DNAH6: variants seen among roughly 807,000 people sequenced by gnomAD.
DNAH6 encodes axonemal beta dynein heavy chain 6.
Under a neutral mutation model 491.4 loss-of-function variants are expected in DNAH6, and 340 were observed. The ratio of observed to expected loss-of-function variants is 0.69; its 90% confidence interval spans 0.63 to 0.76. The LOEUF (loss-of-function observed/expected upper bound fraction) is 0.76. Among genes scored for constraint, DNAH6 ranks in the 30% least tolerant of loss-of-function variants. The pLI, the probability that DNAH6 is intolerant of heterozygous loss-of-function variation, is 0.00. For missense variants in DNAH6, 4,443 were observed against 4,972.2 expected (o/e 0.89, Z 3.20); for synonymous variants, 1,603 against 1,686.1 (o/e 0.95, Z 1.21).
chr2:84,498,696 T>C, the DNAH6 span, among the ~76,000 whole-genome samples: 1 of 152,072 alleles, frequency 6.6e-6, no homozygotes, highest in South Asian at 2.1e-4. Flanking sequence ...TCTCAGCACC[T>C]GCCCTGCTAT....
chr2:84,517,870 T>C lies in DNAH6; in HGVS notation c.44T>C (p.Ile15Thr), dbSNP rs1043105859. ...GATAGTGAATTTGACCTGACAAATA[T>C]TGAAGAGTATGCCGAAAATTCTGCA... ...ATDSEFDLTN[I>T]EEYAENSALS... Residue 15 changes from isoleucine (I) to threonine (T), a missense_variant, in exon 2 of 77, where the codon ATT becomes ACT. This residue lies in a region of DNAH6 where 2,977 missense variants were observed against 3,296.6 expected (regional missense o/e 0.90). Coordinates refer to ENST00000389394, the MANE Select transcript of DNAH6 (RefSeq NM_001370.2). 2 of 1,551,664 alleles carry C rather than the reference T, an allele frequency of 1.3e-6. No individual in the cohort carries two copies. The highest frequency in any genetic ancestry group is 8.7e-7 in the Non-Finnish European group (1 of 1,147,016).
chr2:84,703,424 C>CA lies in DNAH6; in HGVS notation c.8093dup (p.Leu2699AlafsTer10), dbSNP rs1364794254. 1 of 1,542,092 alleles carries CA rather than the reference C, an allele frequency of 6.5e-7. No individual in the cohort carries two copies. The highest frequency in any genetic ancestry group is 8.8e-7 in the Non-Finnish European group (1 of 1,142,062). Reference sequence around the variant, plus strand: ...GAGATCGGGTGAAGAATGGTCTCACCAAGCTACTAGAAACAAACATACTAG... The same window carrying CA: ...GAGATCGGGTGAAGAATGGTCTCACCAAAGCTACTAGAAACAAACATACTAG... On this transcript the variant is annotated frameshift_variant, in exon 50 of 77. Coordinates refer to ENST00000389394, the MANE Select transcript of DNAH6 (RefSeq NM_001370.2). LOFTEE classifies it high-confidence loss of function.
chr2:84,773,399 T>C (rs1246867445), intron 64 of DNAH6, among the ~76,000 whole-genome samples: 1 of 152,094 alleles, frequency 6.6e-6, no homozygotes. Flanking sequence ...CTGATTATAT[T>C]CCTTTATGTG....
chr2:84,704,163 G>A lies in DNAH6; in HGVS notation c.8326G>A (p.Ala2776Thr). The A allele has an allele frequency of 1.3e-6, 2 of 1,551,834 alleles. No homozygotes were observed. The highest frequency in any genetic ancestry group is 1.7e-6 in the Non-Finnish European group (2 of 1,147,012). Reference sequence around the variant, plus strand: ...TGATGCTCAAAGAGATCTTGACGAGGCACTACCTGCACTAGATGCTGCCAA... The same window carrying A: ...TGATGCTCAAAGAGATCTTGACGAGACACTACCTGCACTAGATGCTGCCAA... The part of the protein sequence containing the change: ...ADDAQRDLDE[A>T]LPALDAANKA... The change falls in exon 51 of 77, where the codon GCA (alanine) becomes ACA (threonine). Residue 2776 changes from alanine (A) to threonine (T), a missense_variant. By Grantham distance (58) the Ala-to-Thr change is moderately conservative (BLOSUM62 0). Coordinates refer to ENST00000389394, the MANE Select transcript of DNAH6 (RefSeq NM_001370.2).
intron 60 of DNAH6, 26 bp downstream of exon 60, chr2:84,722,830 C>A (rs1313706666): frequency 2.9e-5 from 39 of 1,356,858 alleles, no homozygotes; most frequent in Non-Finnish European, 3.6e-5. Flanking sequence ...TTGTTAATGA[C>A]AGTCATCTCT....
intron 45 of DNAH6, among the ~76,000 whole-genome samples, chr2:84,689,452 T>C (rs1039613492): frequency 1.2e-4 from 18 of 152,208 alleles, no homozygotes; most frequent in African/African-American, 4.1e-4. Flanking sequence ...CTGGAGTGCC[T>C]GGAGCATCTC....
At chr2:84,614,618 C>G (rs1005233333) in intron 22 of DNAH6, among the ~76,000 whole-genome samples, 2 of 152,136 alleles carry the variant, frequency 1.3e-5, no homozygotes, top group African/African-American at 2.4e-5. Flanking sequence ...ACACTGTTTT[C>G]CATAGTGGCT....
rs148643220 is a variant in DNAH6 at position 84,630,492 on chromosome 2, A to T, written c.4516-4012A>T. Among the ~76,000 whole-genome samples the T allele has an allele frequency of 3.1e-3, 466 of 152,312 alleles. 1 individual carries two copies. Among genetic ancestry groups the T allele is most frequent in the Non-Finnish European group, 5.5e-3 (375 of 68,012 alleles). On this transcript the variant is annotated intron_variant, in intron 29 of 76. Coordinates refer to ENST00000389394, the MANE Select transcript of DNAH6 (RefSeq NM_001370.2). The stretch of plus-strand genomic sequence containing the variant: ...TGAGATAAAGGACCATGTTAACACC[A>T]CAAGAATACAATCAGCTAAATATGG...
At chr2:84,548,580 A>C (rs1679024746) in intron 8 of DNAH6, among the ~76,000 whole-genome samples, 163 bp downstream of exon 8, 2 of 152,366 alleles carry the variant, frequency 1.3e-5, no homozygotes, top group South Asian at 4.1e-4. Context: ...ACACACAATA[A>C]AAAATTAAAA....
Position 84,648,427 on chromosome 2 carries a change from G to A in DNAH6, c.5079-4892G>A, listed in dbSNP as rs79296748. ...ATAGTGATTTCTCTAATGGATCCAG[G>A]CAAAGTTAATTTAAAAACCTTCTGA... On this transcript the variant is annotated intron_variant, in intron 33 of 76. Transcript: ENST00000389394. 1.8e-4 allele frequency among the ~76,000 whole-genome samples: 27 copies of A among 152,258 alleles called. No homozygotes were observed. In the East Asian group the frequency reaches 3.5e-3, roughly 20 times the overall value.
chr2:84,599,498 A>AT (rs1444975289), intron 18 of DNAH6, among the ~76,000 whole-genome samples: 4 of 151,944 alleles, frequency 2.6e-5, no homozygotes, highest in African/African-American at 4.8e-5. Flanking sequence ...TTTTGAGTTA[A>AT]TTTTTTCATA....
chr2:84,719,493 GT>G lies in DNAH6; in HGVS notation c.9792+1117del, dbSNP rs56133927. ...ACAGAGGCAGCTCTCTTGAGTTTTT[GT>G]TTTTTTTGTTTTTTATTTTGTTTTG... On this transcript the variant is annotated intron_variant, in intron 59 of 76. Transcript: ENST00000389394. 2.7e-5 allele frequency among the ~76,000 whole-genome samples: 4 copies of G among 150,924 alleles called. No homozygotes were observed. The South Asian group carries it at 8.4e-4, about 32-fold the overall frequency.
At chr2:84,465,322 C>T in the DNAH6 span, among the ~76,000 whole-genome samples, 1 of 152,036 alleles carries the variant, frequency 6.6e-6, no homozygotes, top group Non-Finnish European at 1.5e-5. Flanking sequence ...AGTGAAACCT[C>T]GTCTCTACTA....
chr2:84,679,672 G>A (rs17025450), intron 41 of DNAH6, among the ~76,000 whole-genome samples: 5,429 of 152,272 alleles, frequency 0.036, 356 homozygotes, highest in African/African-American at 0.12. Flanking sequence ...TAGAATACTA[G>A]GCTGTGGTCC....
chr2:84,640,959 A>T (rs996526412), intron 32 of DNAH6, among the ~76,000 whole-genome samples: 1 of 152,254 alleles, frequency 6.6e-6, no homozygotes, highest in Non-Finnish European at 1.5e-5. Context: ...AAAGCCAGTC[A>T]TACTTGTTGC....
chr2:84,742,365 GATT>G (rs767523943), intron 62 of DNAH6, among the ~76,000 whole-genome samples: 1 of 152,080 alleles, frequency 6.6e-6, no homozygotes, highest in Non-Finnish European at 1.5e-5. Flanking sequence ...ATTTTAATTT[GATT>G]ATATTTATTA....
chr2:84,815,949 C>A lies in DNAH6; in HGVS notation c.12239C>A (p.Ala4080Glu), dbSNP rs1293965120. 1 of 1,551,750 alleles carries A rather than the reference C, an allele frequency of 6.4e-7. No homozygotes were observed. The highest frequency in any genetic ancestry group is 2.4e-5 in the East Asian group (1 of 40,934). The change falls in exon 76 of 77, where the codon GCA becomes GAA. Residue 4080 changes from alanine to glutamate, a missense_variant. Transcript: ENST00000389394. ...WDDKEMVIEDALPGQMNPVLP... is the reference protein window; with the variant it reads ...WDDKEMVIEDELPGQMNPVLP... ...GATAAGGAGATGGTGATAGAAGATG[C>A]ATTGCCCGGACAGATGAATCCAGTG... is the stretch of plus-strand genomic sequence containing the variant.
At chr2:84,662,537 C>T (rs1318849920) in intron 37 of DNAH6, among the ~76,000 whole-genome samples, 2 of 152,230 alleles carry the variant, frequency 1.3e-5, no homozygotes, top group African/African-American at 4.8e-5. Flanking sequence ...AACTGCAAGG[C>T]AGCAGCAAGG....
chr2:84,760,106 T>C (rs1674424036), intron 63 of DNAH6, among the ~76,000 whole-genome samples: 1 of 152,152 alleles, frequency 6.6e-6, no homozygotes, highest in Non-Finnish European at 1.5e-5. Context: ...GAAAATTGGA[T>C]TGCCATTTGC....
Sources: allele counts gnomAD v4.1 joint callset (sites outside exome capture counted in the v4.1 genomes callset), GRCh38; gene constraint gnomAD v4.1.1; regional missense constraint gnomAD v4.1.1; transcripts MANE v1.5; gene names NCBI Gene and HGNC (gene_info 2026-07-23, HGNC 2026-07-21).